RAB12: variants seen among roughly 807,000 people sequenced by gnomAD.
RAB12 encodes the protein ras-related protein Rab-12.
RAB12 carries 11 observed loss-of-function variants against 28.4 expected under a neutral mutation model. The observed-to-expected ratio is 0.39, with a 90% CI of 0.24 to 0.64. The LOEUF (loss-of-function observed/expected upper bound fraction) is 0.64, where lower values mean the gene tolerates loss of function less well. Among genes scored for constraint, RAB12 ranks in the 30% least tolerant of loss-of-function variants. The pLI is 0.50. For missense variants in RAB12, 276 were observed against 351.1 expected (o/e 0.79, Z 1.71); for synonymous variants, 138 against 145.3 (o/e 0.95, Z 0.36).
chr18:8,619,217 CGAG>C (rs1034463934), intron 1 of RAB12, among the ~76,000 whole-genome samples: 2 of 152,234 alleles, frequency 1.3e-5, no homozygotes, highest in African/African-American at 4.8e-5. Context: ...TTTGGTGGAA[CGAG>C]GAGAAGTGAC....
rs368450797 is a variant in RAB12 at position 8,631,499 on chromosome 18, C to T, written c.576-1690C>T. On this transcript the variant is annotated intron_variant, in intron 2 of 5. Coordinates refer to ENST00000649141, the MANE Select transcript of RAB12 (RefSeq NM_001025300.3). ...CACTACTGCCCTGCTGGCTGCAGAG[C>T]GGCTCAGATACGGCTGTCATCCAAG... Among the ~76,000 whole-genome samples, 4 of 152,256 alleles carry T rather than the reference C, an allele frequency of 2.6e-5. No individual in the cohort carries two copies. The South Asian group carries it at 6.2e-4, about 24-fold the overall frequency.
chr18:8,634,763 C>T (rs549907335), intron 3 of RAB12, among the ~76,000 whole-genome samples: 1 of 152,374 alleles, frequency 6.6e-6, no homozygotes, highest in South Asian at 2.1e-4. Context: ...CGGCACTCCT[C>T]ACCTGGCTGC....
Position 8,609,789 on chromosome 18 carries a change from C to T in RAB12, c.350C>T (p.Ser117Phe), listed in dbSNP as rs1410603852. 12 of 1,385,082 alleles carry T rather than the reference C, an allele frequency of 8.7e-6. No homozygotes were observed. The South Asian group carries it at 1.5e-4, about 18-fold the overall frequency. The allele number at this position is 1,385,082 out of a possible 1,614,324, so 85.8% of individuals were successfully genotyped here. The change falls in exon 1 of 6, where the codon TCC becomes TTC. Residue 117 changes from serine to phenylalanine, a missense_variant. This residue lies in a region of RAB12 where 76 missense variants were observed against 117.9 expected (regional missense o/e 0.64). Transcript: ENST00000649141. ...AGGGGGLGAG[S>F]PALSGGQGRR... ...GGCGGCGGCGGTCTGGGCGCGGGCTCCCCGGCGCTGTCGGGCGGCCAGGGC... is the reference window on the plus strand; with the variant it reads ...GGCGGCGGCGGTCTGGGCGCGGGCTTCCCGGCGCTGTCGGGCGGCCAGGGC...
chr18:8,628,532 G>A (rs1416663295), intron 2 of RAB12, among the ~76,000 whole-genome samples: 1 of 152,202 alleles, frequency 6.6e-6, no homozygotes, highest in Non-Finnish European at 1.5e-5. Flanking sequence ...TAAATGGGGA[G>A]TGCTGAACTA....
rs139908157 is a variant in RAB12, at chr18:8,624,000, G to A, written c.515-938G>A. ...CAGCACCTCATTGGTGCCCAGAGAC[G>A]GGCAGTCAGGGGCATGGCCAGGGCC... is the stretch of plus-strand genomic sequence containing the variant. On this transcript the variant is annotated intron_variant, in intron 1 of 5. Coordinates refer to ENST00000649141, the MANE Select transcript of RAB12 (RefSeq NM_001025300.3). Among the ~76,000 whole-genome samples, 101 of 152,344 alleles carry A rather than the reference G, an allele frequency of 6.6e-4. No homozygotes were observed. In the East Asian group the frequency reaches 0.018, roughly 28 times the overall value.
intron 1 of RAB12, among the ~76,000 whole-genome samples, chr18:8,614,517 AAG>A (rs1174511059): frequency 2.8e-5 from 4 of 141,910 alleles, no homozygotes; most frequent in Admixed American, 7.2e-5. Context: ...AAAAAAAAAA[AAG>A]AAAAAAAAAA....
rs898701289 is a variant in RAB12 at position 8,635,916 on chromosome 18, G to A, written c.804+294G>A. Reference sequence around the variant, plus strand: ...AGTTGCTTTTATAATTTACTTTAACGTACTTTAAACTTCCTTGGTTTTTGC... The same window carrying A: ...AGTTGCTTTTATAATTTACTTTAACATACTTTAAACTTCCTTGGTTTTTGC... On this transcript the variant is annotated intron_variant, in intron 4 of 5. Coordinates refer to ENST00000649141, the MANE Select transcript of RAB12 (RefSeq NM_001025300.3). 2.4e-5 allele frequency: 10 copies of A among 420,684 alleles called. No individual in the cohort carries two copies. In the South Asian group the frequency reaches 3.0e-4, roughly 12 times the overall value. 26.1% of individuals were successfully genotyped at this position (420,684 alleles called of 1,614,324 possible). A position where few individuals can be genotyped will look rare whatever the true frequency, so the allele number is the denominator to read the frequency against.
chr18:8,613,995 C>T (rs2148705949), intron 1 of RAB12, among the ~76,000 whole-genome samples: 2 of 152,312 alleles, frequency 1.3e-5, no homozygotes, highest in Middle Eastern at 6.8e-3. Flanking sequence ...TGCTGTGGCA[C>T]AGCTGCTCAG....
At chr18:8,616,902 C>G (rs2096007008) in intron 1 of RAB12, among the ~76,000 whole-genome samples, 1 of 152,126 alleles carries the variant, frequency 6.6e-6, no homozygotes, top group African/African-American at 2.4e-5. Context: ...GTACTCCAGC[C>G]TGGGTGACAG....
intron 2 of RAB12, chr18:8,632,954 C>T (rs2148711273): frequency 4.1e-6 from 2 of 493,722 alleles, no homozygotes; most frequent in South Asian, 2.7e-5. Flanking sequence ...CATAATCCAT[C>T]TCCATTAATC....
chr18:8,625,436 T>C (rs181108502), intron 2 of RAB12, among the ~76,000 whole-genome samples: 258 of 152,352 alleles, frequency 1.7e-3, no homozygotes, highest in Non-Finnish European at 2.9e-3. Context: ...AGCTTCTTGG[T>C]GGCACAATGT....
intron 3 of RAB12, 149 bp from the exon 4 acceptor site, chr18:8,635,384 T>A: frequency 1.6e-6 from 1 of 613,960 alleles, no homozygotes; most frequent in East Asian, 3.1e-5. Context: ...TGCTGCCCAG[T>A]CCTGCCTGGG....
chr18:8,623,945 C>T (rs1460494821), intron 1 of RAB12, among the ~76,000 whole-genome samples: 1 of 152,274 alleles, frequency 6.6e-6, no homozygotes, highest in Non-Finnish European at 1.5e-5. Context: ...CACATGTCTT[C>T]CACTTCCCCT....
At chr18:8,627,391 G>A (rs934925349) in intron 2 of RAB12, among the ~76,000 whole-genome samples, 1 of 152,194 alleles carries the variant, frequency 6.6e-6, no homozygotes, top group Non-Finnish European at 1.5e-5. Flanking sequence ...TGGAAGAAGT[G>A]CATTATTTAC....
chr18:8,637,869 T>G (rs1207753545), intron 5 of RAB12, among the ~76,000 whole-genome samples: 1 of 152,218 alleles, frequency 6.6e-6, no homozygotes, highest in Non-Finnish European at 1.5e-5. Context: ...TTACTATTCA[T>G]TAGTGGAAGT....
intron 1 of RAB12, among the ~76,000 whole-genome samples, chr18:8,621,369 G>T (rs1351011755): frequency 6.6e-6 from 1 of 152,196 alleles, no homozygotes; most frequent in South Asian, 2.1e-4. Context: ...AGAGGTATAT[G>T]TTTCTAAGCC....
intron 1 of RAB12, among the ~76,000 whole-genome samples, chr18:8,613,360 A>G (rs1249662688): frequency 1.3e-5 from 2 of 152,212 alleles, no homozygotes; most frequent in African/African-American, 2.4e-5. Context: ...CTGGTCCACT[A>G]TTTTCCTCAT....
At chr18:8,635,833 A>G (rs759568209) in intron 4 of RAB12, 2 of 499,698 alleles carry the variant, frequency 4.0e-6, no homozygotes, top group Non-Finnish European at 7.0e-6. Context: ...ACATCAGTGT[A>G]TACAACATTA....
chr18:8,610,083 G>C, intron 1 of RAB12, 130 bp downstream of exon 1: 1 of 681,904 alleles, frequency 1.5e-6, no homozygotes, highest in Non-Finnish European at 2.4e-6. Context: ...AACTAGGGGC[G>C]GGGGTCTCCT....
Sources: gnomAD v4.1 joint callset for allele counts (sites outside exome capture counted in the v4.1 genomes callset) on GRCh38, gnomAD v4.1.1 for gene constraint, gnomAD v4.1.1 regional missense constraint, MANE v1.5 for transcripts, NCBI Gene and HGNC (gene_info 2026-07-23, HGNC 2026-07-21) for gene names.